The following S100Z variants were observed in gnomAD, a reference collection of about 807,000 sequenced individuals.
The protein encoded by S100Z is S100 calcium binding protein Z, also known as protein S100-Z.
Under a neutral mutation model 8.5 loss-of-function variants are expected in S100Z, and 11 were observed. The observed-to-expected ratio is 1.30, with a 90% CI of 0.82 to 2.15. The LOEUF is 2.15. Ranked by LOEUF, S100Z falls within the 30% of genes most tolerant of loss-of-function variation. The pLI is 0.00. For missense variants in S100Z, 126 were observed against 117.9 expected, an observed-to-expected ratio of 1.07 and a Z score of -0.32; for synonymous variants, 34 against 43.8, an observed-to-expected ratio of 0.78 and a Z score of 0.89.
the S100Z span, among the ~76,000 whole-genome samples, chr5:76,937,186 G>A: frequency 6.6e-6 from 1 of 151,614 alleles, no homozygotes; most frequent in Admixed American, 6.6e-5. Context: ...TGCCCCTCAA[G>A]ATTGCAAAAT....
chr5:76,921,220 A>C lies in S100Z; in HGVS notation c.*506A>C, dbSNP rs1745024954. 1 of 152,188 alleles carries C rather than the reference A, an allele frequency of 6.6e-6. No individual in the cohort carries two copies. The highest frequency in any genetic ancestry group is 1.5e-5 in the Non-Finnish European group (1 of 68,044). 9.4% of individuals were successfully genotyped at this position (152,188 alleles called of 1,614,324 possible). On this transcript the variant is annotated 3_prime_UTR_variant, in exon 5 of 5. Transcript: ENST00000317593. ...ATAGTTCCAGCTTAATAAATATACA[A>C]CTGTATTATTATTTTTGTCTGAATA...
At chr5:76,910,005 C>T (rs1284637185) in intron 4 of S100Z, among the ~76,000 whole-genome samples, 1 of 152,192 alleles carries the variant, frequency 6.6e-6, no homozygotes, top group Non-Finnish European at 1.5e-5. Context: ...TACCAGTCAG[C>T]AAGCCATCCC....
chr5:76,921,988 CAAAAAAAA>C (rs35018497), downstream of S100Z, among the ~76,000 whole-genome samples: 1 of 114,726 alleles, frequency 8.7e-6, no homozygotes, highest in Non-Finnish European at 1.8e-5. Context: ...GAGACTGTCT[CAAAAAAAA>C]AAAAAAAGAA....
At chr5:76,866,196 C>G (rs936231737) in intron 1 of S100Z, among the ~76,000 whole-genome samples, 1 of 151,736 alleles carries the variant, frequency 6.6e-6, no homozygotes, top group African/African-American at 2.4e-5. Context: ...GTGGTCCCCC[C>G]ACCTCAGCCT....
chr5:76,911,575 G>A (rs1017304283), intron 4 of S100Z, among the ~76,000 whole-genome samples: 1 of 152,178 alleles, frequency 6.6e-6, no homozygotes, highest in Non-Finnish European at 1.5e-5. Context: ...GTCAGGCACT[G>A]GTCCAAGATC....
chr5:76,921,663 C>G (rs1307042412), downstream of S100Z: 2 of 152,142 alleles, frequency 1.3e-5, no homozygotes, highest in Non-Finnish European at 2.9e-5. Context: ...AAGTTTCTGT[C>G]ATATTTGCTT....
At chr5:76,892,290 AC>A (rs1435564020) in intron 4 of S100Z, among the ~76,000 whole-genome samples, 1 of 152,062 alleles carries the variant, frequency 6.6e-6, no homozygotes, top group Non-Finnish European at 1.5e-5. Context: ...ATGGTTGTAG[AC>A]CATCCTACTC....
chr5:76,931,219 G>A, the S100Z span, among the ~76,000 whole-genome samples: 20 of 151,754 alleles, frequency 1.3e-4, no homozygotes, highest in Non-Finnish European at 2.5e-4. Flanking sequence ...TGACCCTTCC[G>A]CCTCAGCCTC....
At chr5:76,854,323 A>G (rs1257303566) in intron 1 of S100Z, among the ~76,000 whole-genome samples, 1 of 152,348 alleles carries the variant, frequency 6.6e-6, no homozygotes, top group South Asian at 2.1e-4. Context: ...GAAAGTTTGG[A>G]ACTTCCTAGA....
At chr5:76,926,572 G>C (rs1414116338), downstream of S100Z, among the ~76,000 whole-genome samples, 3 of 152,114 alleles carry the variant, frequency 2.0e-5, no homozygotes, top group Non-Finnish European at 2.9e-5. Flanking sequence ...AGGAGCTGTG[G>C]AACAGGGGAG....
chr5:76,857,742 C>G (rs1212070460), intron 1 of S100Z, among the ~76,000 whole-genome samples: 2 of 152,278 alleles, frequency 1.3e-5, no homozygotes, highest in African/African-American at 4.8e-5. Flanking sequence ...CTCTAGTGAT[C>G]TGCCTGCCTT....
chr5:76,906,641 GT>G (rs70982662), intron 4 of S100Z, among the ~76,000 whole-genome samples: 1 of 149,038 alleles, frequency 6.7e-6, no homozygotes, highest in African/African-American at 2.5e-5. Context: ...TTTGTTTTTT[GT>G]TTTTTTTTGA....
chr5:76,922,499 A>G (rs1036411137), downstream of S100Z, among the ~76,000 whole-genome samples: 8 of 151,130 alleles, frequency 5.3e-5, no homozygotes, highest in African/African-American at 1.7e-4. Context: ...ATCTCTTCCC[A>G]TAAAGAGAGT....
At chr5:76,947,353 C>T in the S100Z span, among the ~76,000 whole-genome samples, 2 of 152,334 alleles carry the variant, frequency 1.3e-5, no homozygotes, top group African/African-American at 4.8e-5. Context: ...ATAGCTGGCA[C>T]ATTAGAATTT....
At chr5:76,878,112 A>T (rs1207985599) in intron 4 of S100Z, 2 of 201,884 alleles carry the variant, frequency 9.9e-6, no homozygotes, top group Non-Finnish European at 9.9e-6. Flanking sequence ...CATTACAAAA[A>T]TTTAGCTACT....
At chr5:76,881,951 G>A (rs562673527) in intron 4 of S100Z, among the ~76,000 whole-genome samples, 161 of 152,316 alleles carry the variant, frequency 1.1e-3, no homozygotes, top group African/African-American at 3.8e-3. Context: ...AGGCATTAAT[G>A]ATGGAGGACC....
At chr5:76,922,236 A>C (rs190705300), downstream of S100Z, among the ~76,000 whole-genome samples, 1 of 152,084 alleles carries the variant, frequency 6.6e-6, no homozygotes, top group African/African-American at 2.4e-5. Context: ...TTTTTTCCAA[A>C]AGAAATGCAA....
chr5:76,902,525 T>C (rs901633756), intron 4 of S100Z, among the ~76,000 whole-genome samples: 2 of 152,246 alleles, frequency 1.3e-5, no homozygotes, highest in African/African-American at 2.4e-5. Context: ...AGAACTGTTT[T>C]ATTAATCTCT....
downstream of S100Z, among the ~76,000 whole-genome samples, chr5:76,923,881 G>A (rs1247402338): frequency 6.6e-6 from 1 of 152,124 alleles, no homozygotes; most frequent in African/African-American, 2.4e-5. Context: ...ACTTTGACAT[G>A]CTGAACTAGA....
Sources: allele counts gnomAD v4.1 joint callset (sites outside exome capture counted in the v4.1 genomes callset), GRCh38; gene constraint gnomAD v4.1.1; transcripts MANE v1.5; gene names NCBI Gene and HGNC (gene_info 2026-07-23, HGNC 2026-07-21).